The following GBE1 variants were observed in gnomAD, a reference collection of about 807,000 sequenced individuals.
GBE1 encodes 1,4-alpha-glucan branching enzyme 1.
GBE1 carries 70 observed loss-of-function variants against 88.8 expected under a neutral mutation model. The ratio of observed to expected loss-of-function variants is 0.79; its 90% CI spans 0.65 to 0.96. GBE1 has a LOEUF of 0.96. Ranked by LOEUF, GBE1 falls within the 40% of genes least tolerant of loss-of-function variation. GBE1 has a pLI of 0.00. For missense variants in GBE1, 872 were observed against 871.0 expected (o/e 1.00, Z -0.01); for synonymous variants, 284 against 300.1 (o/e 0.95, Z 0.56).
chr3:81,560,483 T>C (rs11920473), intron 12 of GBE1, among the ~76,000 whole-genome samples: 100,030 of 151,756 alleles, frequency 0.66, 34,952 homozygotes, highest in East Asian at 0.92. Flanking sequence ...TTGTTATCAA[T>C]TATACCATGA....
At chr3:81,750,669 A>ATGTG (rs1553696663) in intron 1 of GBE1, among the ~76,000 whole-genome samples, 3 of 80,124 alleles carry the variant, frequency 3.7e-5, no homozygotes, top group African/African-American at 2.4e-4. Context: ...GTATATATAT[A>ATGTG]TATACGTATA....
At chr3:81,699,807 C>A (rs1002054410) in intron 2 of GBE1, among the ~76,000 whole-genome samples, 4 of 152,206 alleles carry the variant, frequency 2.6e-5, no homozygotes, top group Non-Finnish European at 4.4e-5. Context: ...CACAGACACA[C>A]CCAGGATTAA....
chr3:81,677,894 G>C (rs77656608), intron 2 of GBE1, among the ~76,000 whole-genome samples: 1 of 152,110 alleles, frequency 6.6e-6, no homozygotes. Context: ...AATCTCTAAA[G>C]TATATCAGAG....
intron 7 of GBE1, among the ~76,000 whole-genome samples, chr3:81,621,607 C>T (rs1238736529): frequency 2.0e-5 from 3 of 152,184 alleles, no homozygotes; most frequent in Non-Finnish European, 4.4e-5. Context: ...TTTGTACCTA[C>T]TATCCTTCTT....
At chr3:81,698,561 A>G (rs2107157565) in intron 2 of GBE1, among the ~76,000 whole-genome samples, 1 of 152,322 alleles carries the variant, frequency 6.6e-6, no homozygotes, top group East Asian at 1.9e-4. Context: ...ACTTGTCCTT[A>G]CTGAGATTTT....
chr3:81,649,303 T>C (rs1221427836), intron 4 of GBE1, among the ~76,000 whole-genome samples: 1 of 152,094 alleles, frequency 6.6e-6, no homozygotes, highest in Non-Finnish European at 1.5e-5. Context: ...ATGCAAAGTA[T>C]ATATCAACAA....
At chr3:81,704,816 T>G (rs1705749450) in intron 2 of GBE1, among the ~76,000 whole-genome samples, 3 of 152,106 alleles carry the variant, frequency 2.0e-5, no homozygotes, top group Admixed American at 2.0e-4. Context: ...GTTATTTACA[T>G]TACAGTCCTT....
chr3:81,616,855 CT>C (rs1467574728), intron 7 of GBE1, among the ~76,000 whole-genome samples: 1 of 151,820 alleles, frequency 6.6e-6, no homozygotes, highest in Non-Finnish European at 1.5e-5. Flanking sequence ...TTTAAATTTT[CT>C]TTTTTCATCA....
intron 1 of GBE1, among the ~76,000 whole-genome samples, chr3:81,732,735 T>C (rs1345244432): frequency 6.6e-6 from 1 of 152,166 alleles, no homozygotes. Context: ...CCTCCTACAA[T>C]CTATTTTCAA....
chr3:81,549,930 G>GT (rs1180744721), intron 12 of GBE1, among the ~76,000 whole-genome samples: 1 of 151,308 alleles, frequency 6.6e-6, no homozygotes, highest in East Asian at 1.9e-4. Context: ...TTGTTTTTGA[G>GT]TTTTTTCCTG....
chr3:81,625,097 G>C (rs1227049204), intron 7 of GBE1, among the ~76,000 whole-genome samples: 9 of 150,730 alleles, frequency 6.0e-5, no homozygotes, highest in Admixed American at 2.7e-4. Flanking sequence ...ATGAGGGAGG[G>C]GGAGGGGGAG....
At chr3:81,634,612 G>A (rs1704566401) in intron 7 of GBE1, among the ~76,000 whole-genome samples, 1 of 151,996 alleles carries the variant, frequency 6.6e-6, no homozygotes, top group Non-Finnish European at 1.5e-5. Flanking sequence ...TTGAGAGAGA[G>A]AGAAAAAGAG....
At chr3:81,665,801 C>T (rs1305138141) in intron 3 of GBE1, among the ~76,000 whole-genome samples, 2 of 152,072 alleles carry the variant, frequency 1.3e-5, no homozygotes, top group Non-Finnish European at 2.9e-5. Context: ...TTCTATGACC[C>T]AAATGCAGGA....
chr3:81,740,123 G>A (rs1014354612), intron 1 of GBE1, among the ~76,000 whole-genome samples: 14 of 152,102 alleles, frequency 9.2e-5, no homozygotes, highest in African/African-American at 3.4e-4. Context: ...CACTCAGGAG[G>A]CTGAGGCAGG....
intron 1 of GBE1, among the ~76,000 whole-genome samples, chr3:81,754,871 T>C (rs1009053301): frequency 9.9e-5 from 15 of 152,196 alleles, no homozygotes; most frequent in African/African-American, 2.9e-4. Context: ...ACTATGAAAA[T>C]TGTAGCAGAA....
At chr3:81,578,400 T>A (rs576046596) in intron 11 of GBE1, among the ~76,000 whole-genome samples, 1 of 152,066 alleles carries the variant, frequency 6.6e-6, no homozygotes, top group Non-Finnish European at 1.5e-5. Flanking sequence ...ACCTCACATT[T>A]TCTGAAACAT....
At chr3:81,732,177 A>G in intron 1 of GBE1, among the ~76,000 whole-genome samples, 1 of 152,148 alleles carries the variant, frequency 6.6e-6, no homozygotes, top group East Asian at 1.9e-4. Flanking sequence ...ACATAACACT[A>G]TGAGAATTAC....
intron 1 of GBE1, among the ~76,000 whole-genome samples, chr3:81,710,158 A>T (rs1441975077): frequency 6.6e-6 from 1 of 151,998 alleles, no homozygotes; most frequent in East Asian, 1.9e-4. Context: ...ATTTCAAGTT[A>T]AATCTCAAAT....
intron 2 of GBE1, among the ~76,000 whole-genome samples, chr3:81,699,238 ACAAACGAC>A (rs1336765652): frequency 6.6e-6 from 1 of 152,184 alleles, no homozygotes; most frequent in Non-Finnish European, 1.5e-5. Context: ...TGTCTATTGA[ACAAACGAC>A]TCCTTGAAGG....
Sources: allele counts gnomAD v4.1 joint callset (sites outside exome capture counted in the v4.1 genomes callset), GRCh38; gene constraint gnomAD v4.1.1; transcripts MANE v1.5; gene names NCBI Gene and HGNC (gene_info 2026-07-23, HGNC 2026-07-21).